ETS1: variants seen among roughly 807,000 people sequenced by gnomAD.
ETS1 encodes the protein protein C-ets-1.
In ETS1, 15 loss-of-function variants were observed where a neutral mutation model predicts 58.6. That is an observed-to-expected ratio of 0.26 (90% CI 0.17 to 0.39). The LOEUF is 0.39. Among genes scored for constraint, ETS1 ranks in the 10% least tolerant of loss-of-function variants. The pLI, the probability that ETS1 is intolerant of heterozygous loss-of-function variation, is 1.00. For missense variants in ETS1, 417 were observed against 610.5 expected (o/e 0.68, Z 3.34); for synonymous variants, 214 against 218.2 (o/e 0.98, Z 0.17).
chr11:128,525,086 C>T (rs967056297), intron 3 of ETS1, among the ~76,000 whole-genome samples: 4 of 152,106 alleles, frequency 2.6e-5, no homozygotes, highest in Non-Finnish European at 5.9e-5. Context: ...CTGCAGCAGT[C>T]TGTTCCTCCT....
intron 3 of ETS1, among the ~76,000 whole-genome samples, chr11:128,545,723 T>C (rs948200000): frequency 4.6e-5 from 7 of 152,232 alleles, no homozygotes; most frequent in Admixed American, 3.9e-4. Context: ...TAATTTACAA[T>C]TGATCAGTTA....
At chr11:128,515,297 A>G (rs1200690443) in intron 3 of ETS1, among the ~76,000 whole-genome samples, 2 of 152,146 alleles carry the variant, frequency 1.3e-5, no homozygotes, top group African/African-American at 4.8e-5. Flanking sequence ...CTACATGCAG[A>G]GTTTACAGTT....
chr11:128,562,008 G>A (rs565363420), intron 2 of ETS1, among the ~76,000 whole-genome samples: 3 of 152,322 alleles, frequency 2.0e-5, no homozygotes, highest in African/African-American at 7.2e-5. Context: ...AAGAAGTACT[G>A]GTTGAAGACG....
intron 3 of ETS1, among the ~76,000 whole-genome samples, chr11:128,522,855 A>G (rs1306195912): frequency 6.6e-6 from 1 of 152,150 alleles, no homozygotes; most frequent in Non-Finnish European, 1.5e-5. Context: ...GTGTCCTCAA[A>G]GGGCTTTAGG....
At chr11:128,581,378 C>T (rs191777700) in intron 1 of ETS1, among the ~76,000 whole-genome samples, 1 of 152,248 alleles carries the variant, frequency 6.6e-6, no homozygotes, top group East Asian at 1.9e-4. Flanking sequence ...CAATACACTG[C>T]CTTACCATAA....
intron 3 of ETS1, among the ~76,000 whole-genome samples, chr11:128,498,516 G>T (rs1415934303): frequency 6.6e-6 from 1 of 152,158 alleles, no homozygotes; most frequent in Non-Finnish European, 1.5e-5. Context: ...TGTTTGCCGT[G>T]ACACTTCAGA....
chr11:128,474,278 G>T (rs1862262736), intron 8 of ETS1, among the ~76,000 whole-genome samples: 1 of 152,162 alleles, frequency 6.6e-6, no homozygotes, highest in African/African-American at 2.4e-5. Flanking sequence ...CTGCTTGCAA[G>T]GTATTACCGC....
rs1374873770 is a variant in ETS1 at position 128,460,454 on chromosome 11, G to T, written c.*1907C>A. On this transcript the variant is annotated 3_prime_UTR_variant, in exon 10 of 10. Transcript: ENST00000392668. ...TTTCTTAAAGATATGCTAGAAAGTA[G>T]TTAGTACTTCCAATTTCTCATCCAA... The T allele has an allele frequency of 6.6e-6, 1 of 152,606 alleles. No homozygotes were observed. Among genetic ancestry groups the T allele is most frequent in the Non-Finnish European group, 1.5e-5 (1 of 68,032 alleles). The allele number at this position is 152,606 out of a possible 1,614,324, so 9.5% of individuals were successfully genotyped here. A position where few individuals can be genotyped will look rare whatever the true frequency, so the allele number is the denominator to read the frequency against.
At chr11:128,568,668 G>T (rs1011512829) in intron 2 of ETS1, among the ~76,000 whole-genome samples, 1 of 152,208 alleles carries the variant, frequency 6.6e-6, no homozygotes, top group Non-Finnish European at 1.5e-5. Flanking sequence ...CTGAGGCAGA[G>T]AATGTGAATT....
chr11:128,501,815 C>T (rs758565272), intron 3 of ETS1, among the ~76,000 whole-genome samples: 1 of 152,184 alleles, frequency 6.6e-6, no homozygotes, highest in Non-Finnish European at 1.5e-5. Flanking sequence ...TGGAAAGACT[C>T]AGACAAAAGC....
chr11:128,543,051 T>TGTAATCCCAGCTACTCGG (rs960241912), intron 3 of ETS1, among the ~76,000 whole-genome samples: 14 of 152,030 alleles, frequency 9.2e-5, no homozygotes, highest in Non-Finnish European at 1.5e-4. Context: ...GGCAAGCGAC[T>TGTAATCCCAGCTACTCGG]GTAATCCCAG....
chr11:128,481,844 G>C (rs1442716836), intron 7 of ETS1, among the ~76,000 whole-genome samples: 3 of 152,190 alleles, frequency 2.0e-5, no homozygotes, highest in African/African-American at 7.2e-5. Context: ...TAAAGATCCG[G>C]ATAAAATGTA....
chr11:128,479,510 T>C (rs748300348), intron 8 of ETS1, among the ~76,000 whole-genome samples: 2 of 152,274 alleles, frequency 1.3e-5, no homozygotes, highest in Admixed American at 6.5e-5. Context: ...GAAAGCATTG[T>C]TTTGCTCTAC....
At chr11:128,569,303 G>A (rs911523423) in intron 2 of ETS1, among the ~76,000 whole-genome samples, 1 of 56,992 alleles carries the variant, frequency 1.8e-5, no homozygotes, top group Non-Finnish European at 4.1e-5. Flanking sequence ...TACCATACAT[G>A]GGACAGAGTT....
At chr11:128,527,467 A>G (rs564422052) in intron 3 of ETS1, 24 of 156,526 alleles carry the variant, frequency 1.5e-4, no homozygotes, top group African/African-American at 5.8e-4. Context: ...ATCCACACTC[A>G]GTGTTGTGTG....
chr11:128,522,387 G>T (rs984749988), intron 3 of ETS1: 4 of 980,692 alleles, frequency 4.1e-6, no homozygotes, highest in South Asian at 9.4e-5. Flanking sequence ...GCCGCGTCTC[G>T]GCCGCTGGGT....
chr11:128,516,952 G>C (rs1565392821), intron 3 of ETS1, among the ~76,000 whole-genome samples: 1 of 152,170 alleles, frequency 6.6e-6, no homozygotes, highest in South Asian at 2.1e-4. Flanking sequence ...CTCAGCGAAG[G>C]ACTGACCTTG....
chr11:128,568,790 T>A (rs1351599420), intron 2 of ETS1, among the ~76,000 whole-genome samples: 1 of 145,730 alleles, frequency 6.9e-6, no homozygotes, highest in African/African-American at 2.5e-5. Flanking sequence ...ATGTGACCTC[T>A]AATTTACAAG....
chr11:128,489,349 T>G lies in ETS1; in HGVS notation c.476A>C (p.Glu159Ala), dbSNP rs1420377115. 1 of 1,614,166 alleles carries G rather than the reference T, an allele frequency of 6.2e-7. No individual in the cohort carries two copies. Among genetic ancestry groups the G allele is most frequent in the Non-Finnish European group, 8.5e-7 (1 of 1,180,028 alleles). Residue 159 changes from glutamate (E) to alanine (A), a missense_variant, in exon 5 of 10, where the codon GAG becomes GCG. Glu to Ala is a moderately radical substitution (Grantham distance 107, BLOSUM62 -1). Coordinates refer to ENST00000392668, the MANE Select transcript of ETS1 (RefSeq NM_001143820.2). ...LCALGKDCFL[E>A]LAPDFVGDIL... ...GTCCCCAACAAAGTCTGGGGCCAGC[T>G]CGAGAAAGCAGTCTTTACCCAGGGC...
Sources: gnomAD v4.1 joint callset for allele counts (sites outside exome capture counted in the v4.1 genomes callset) on GRCh38, gnomAD v4.1.1 for gene constraint, MANE v1.5 for transcripts, NCBI Gene and HGNC (gene_info 2026-07-23, HGNC 2026-07-21) for gene names.